The following ICA1 variants were observed in gnomAD, a reference collection of about 807,000 sequenced individuals.
ICA1 encodes islet cell autoantigen 1, also known as 69 kDa islet cell autoantigen.
ICA1 carries 40 observed loss-of-function variants against 71.0 expected under a neutral mutation model. The observed-to-expected ratio is 0.56, with a 90% CI of 0.44 to 0.73. The LOEUF (loss-of-function observed/expected upper bound fraction) is 0.73. Ranked by LOEUF, ICA1 falls within the 30% of genes least tolerant of loss-of-function variation. The pLI is 0.00. For synonymous variants in ICA1, 207 were observed against 209.5 expected, an observed-to-expected ratio of 0.99 and a Z score of 0.10; for missense variants, 578 against 576.5, an observed-to-expected ratio of 1.00 and a Z score of -0.03.
At chr7:8,188,557 A>G (rs1784580137) in intron 6 of ICA1, among the ~76,000 whole-genome samples, 1 of 152,234 alleles carries the variant, frequency 6.6e-6, no homozygotes, top group Non-Finnish European at 1.5e-5. Flanking sequence ...CTATTTTAAA[A>G]GTGAGTGTGG....
chr7:8,119,778 G>A (rs529530033), intron 13 of ICA1, among the ~76,000 whole-genome samples: 36 of 152,154 alleles, frequency 2.4e-4, no homozygotes, highest in Non-Finnish European at 2.2e-4. Context: ...CCCGGGAGGC[G>A]GAGGTTGCAG....
chr7:8,124,410 C>T (rs921440763), intron 13 of ICA1, among the ~76,000 whole-genome samples: 4 of 150,504 alleles, frequency 2.7e-5, no homozygotes, highest in Non-Finnish European at 4.4e-5. Context: ...TGAGCCACCG[C>T]GCCCAGCCGT....
chr7:8,232,453 G>T, intron 3 of ICA1, 137 bp downstream of exon 3: 1 of 593,074 alleles, frequency 1.7e-6, no homozygotes, highest in Non-Finnish European at 2.6e-6. Context: ...AAATATGCTG[G>T]GATTGAGTTT....
At chr7:8,161,483 T>C (rs1482964062) in intron 6 of ICA1, among the ~76,000 whole-genome samples, 3 of 152,206 alleles carry the variant, frequency 2.0e-5, no homozygotes, top group Admixed American at 1.3e-4. Context: ...ACTCTGACTC[T>C]GAGCTCGGCC....
At chr7:8,185,927 A>G (rs1410803783) in intron 6 of ICA1, among the ~76,000 whole-genome samples, 1 of 152,216 alleles carries the variant, frequency 6.6e-6, no homozygotes, top group Non-Finnish European at 1.5e-5. Context: ...ATGCTACAGG[A>G]AACACTTTGT....
intron 8 of ICA1, among the ~76,000 whole-genome samples, chr7:8,148,637 C>A (rs917178450): frequency 1.3e-5 from 2 of 152,124 alleles, no homozygotes; most frequent in African/African-American, 4.8e-5. Context: ...ACAGTGAGGA[C>A]ATACTGTATT....
intron 12 of ICA1, among the ~76,000 whole-genome samples, chr7:8,136,033 C>G (rs1361621546): frequency 1.3e-5 from 2 of 152,172 alleles, no homozygotes; most frequent in Admixed American, 6.5e-5. Context: ...TCACGTGTCT[C>G]AAAATGTCAC....
chr7:8,256,030 C>G (rs535785755), intron 1 of ICA1, among the ~76,000 whole-genome samples: 3 of 151,872 alleles, frequency 2.0e-5, no homozygotes, highest in African/African-American at 7.3e-5. Flanking sequence ...TTGCCCTGGT[C>G]TCCCAAAGTG....
chr7:8,250,858 G>A (rs6970445), intron 1 of ICA1, among the ~76,000 whole-genome samples: 71,636 of 151,950 alleles, frequency 0.47, 19,533 homozygotes, highest in African/African-American at 0.76. Context: ...TAAAATCTGT[G>A]TTTTCTGTTA....
chr7:8,205,296 AAAATT>A (rs879648232), intron 6 of ICA1, among the ~76,000 whole-genome samples: 2 of 152,186 alleles, frequency 1.3e-5, no homozygotes, highest in Non-Finnish European at 2.9e-5. Context: ...GCAGATCTTT[AAAATT>A]AAAGATGTTT....
At chr7:8,256,070 C>A (rs1451228867) in intron 1 of ICA1, among the ~76,000 whole-genome samples, 1 of 152,038 alleles carries the variant, frequency 6.6e-6, no homozygotes, top group African/African-American at 2.4e-5. Flanking sequence ...CCACCACACC[C>A]AGCCTCTTTC....
chr7:8,130,584 C>G lies in ICA1; in HGVS notation c.1061-2442G>C, dbSNP rs571069940. On this transcript the variant is annotated intron_variant, in intron 12 of 13. Coordinates refer to ENST00000402384, the MANE Select transcript of ICA1 (RefSeq NM_001136020.3). This position sits in a 1 kb window ranked among gnomAD's most constrained non-coding sequence, Gnocchi z 4.2. ...TGAACCAAACCTATTCTATTGAAAC[C>G]AAGTCAAGTCAATGTGTAGACCCTG... Among the ~76,000 whole-genome samples, 11 of 152,272 alleles carry G rather than the reference C, an allele frequency of 7.2e-5. No individual in the cohort carries two copies. The highest frequency in any genetic ancestry group is 1.6e-4 in the Non-Finnish European group (11 of 68,014).
At chr7:8,166,343 A>G (rs1444266776) in intron 6 of ICA1, among the ~76,000 whole-genome samples, 1 of 152,176 alleles carries the variant, frequency 6.6e-6, no homozygotes, top group East Asian at 1.9e-4. Context: ...AATGCCACAC[A>G]CCTACAACCA....
chr7:8,126,581 T>G (rs904945504), intron 13 of ICA1, among the ~76,000 whole-genome samples: 4 of 152,158 alleles, frequency 2.6e-5, no homozygotes, highest in African/African-American at 9.7e-5. Context: ...CCAACTCTTG[T>G]GTCCATGATC....
chr7:8,235,828 T>G, intron 2 of ICA1, 82 bp downstream of exon 2: 2 of 1,424,202 alleles, frequency 1.4e-6, no homozygotes, highest in Non-Finnish European at 2.0e-6. Flanking sequence ...TATCTCTTGT[T>G]TTTCCATTCA....
chr7:8,197,419 G>A (rs941773098), intron 6 of ICA1, among the ~76,000 whole-genome samples: 17 of 151,380 alleles, frequency 1.1e-4, no homozygotes, highest in Non-Finnish European at 1.6e-4. Context: ...CGGGCATGGC[G>A]GTGCGTGCCT....
At chr7:8,140,237 A>G (rs551201552) in intron 10 of ICA1, among the ~76,000 whole-genome samples, 31 of 152,204 alleles carry the variant, frequency 2.0e-4, no homozygotes, top group African/African-American at 5.8e-4. Context: ...GAGGCTGGAG[A>G]GCTTGCATCC....
chr7:8,256,228 G>A (rs1470581147), intron 1 of ICA1, among the ~76,000 whole-genome samples: 4 of 152,098 alleles, frequency 2.6e-5, no homozygotes, highest in Admixed American at 1.3e-4. Context: ...AACACTGCCC[G>A]ACCTATCACT....
At chr7:8,164,105 G>A (rs1338367882) in intron 6 of ICA1, among the ~76,000 whole-genome samples, 1 of 151,966 alleles carries the variant, frequency 6.6e-6, no homozygotes, top group East Asian at 1.9e-4. Context: ...AGGAGTTTGA[G>A]ACCAGCCTGG....
Sources: gnomAD v4.1 joint callset for allele counts (sites outside exome capture counted in the v4.1 genomes callset) on GRCh38, gnomAD v4.1.1 for gene constraint, Gnocchi (gnomAD v3.1) non-coding constraint, MANE v1.5 for transcripts, NCBI Gene and HGNC (gene_info 2026-07-23, HGNC 2026-07-21) for gene names.